Variants in ATP8B4 observed in about 807,000 individuals in gnomAD.
The protein encoded by ATP8B4 is probable phospholipid-transporting ATPase IM.
A neutral mutation model predicts 145.6 loss-of-function variants in ATP8B4; 133 were observed. That is an observed-to-expected ratio of 0.91 (90% CI 0.79 to 1.05). The LOEUF (loss-of-function observed/expected upper bound fraction) is 1.05, where lower values mean the gene tolerates loss of function less well. Among genes scored for constraint, ATP8B4 ranks in the 50% least tolerant of loss-of-function variants. ATP8B4 has a pLI of 0.00. For synonymous variants in ATP8B4, 507 were observed against 492.9 expected (o/e 1.03, Z -0.38); for missense variants, 1,458 against 1,425.2 (o/e 1.02, Z -0.37).
intron 14 of ATP8B4, among the ~76,000 whole-genome samples, chr15:49,940,315 T>C (rs879363436): frequency 1.3e-5 from 2 of 152,210 alleles, no homozygotes; most frequent in Admixed American, 6.5e-5. Context: ...AAACACTATA[T>C]GTTCTCATTT....
intron 1 of ATP8B4, among the ~76,000 whole-genome samples, chr15:50,160,223 C>A (rs953703971): frequency 1.3e-5 from 2 of 151,634 alleles, no homozygotes; most frequent in Non-Finnish European, 2.9e-5. Context: ...CTTTCCATTT[C>A]TGCAGTATTG....
chr15:50,101,941 C>A (rs987455421), intron 2 of ATP8B4, among the ~76,000 whole-genome samples: 1 of 151,968 alleles, frequency 6.6e-6, no homozygotes, highest in Admixed American at 6.6e-5. Context: ...CAAAAGGAAC[C>A]CTTAAAACCA....
At chr15:50,144,081 T>C (rs1206708285) in intron 1 of ATP8B4, among the ~76,000 whole-genome samples, 1 of 152,170 alleles carries the variant, frequency 6.6e-6, no homozygotes, top group Non-Finnish European at 1.5e-5. Context: ...CCCTTTGTTT[T>C]ACCAAAGGAA....
At chr15:50,054,924 T>C (rs573306615) in intron 3 of ATP8B4, among the ~76,000 whole-genome samples, 24 of 152,090 alleles carry the variant, frequency 1.6e-4, no homozygotes, top group Non-Finnish European at 2.5e-4. Flanking sequence ...CCAAATTCCT[T>C]AGTTTCACGA....
intron 14 of ATP8B4, among the ~76,000 whole-genome samples, chr15:49,939,243 GCTAA>G (rs1208315493): frequency 1.3e-5 from 2 of 151,560 alleles, no homozygotes; most frequent in African/African-American, 4.8e-5. Context: ...TAACACCAAA[GCTAA>G]CAAATGTCAC....
intron 1 of ATP8B4, among the ~76,000 whole-genome samples, chr15:50,127,648 A>T (rs1459035686): frequency 1.3e-5 from 2 of 152,206 alleles, no homozygotes; most frequent in Non-Finnish European, 2.9e-5. Context: ...TAGATAAATA[A>T]ACTGCTGCAG....
intron 2 of ATP8B4, among the ~76,000 whole-genome samples, chr15:50,105,764 T>C (rs1413027660): frequency 6.6e-6 from 1 of 152,200 alleles, no homozygotes; most frequent in African/African-American, 2.4e-5. Flanking sequence ...AATATATACA[T>C]ATACATATGA....
intron 6 of ATP8B4, among the ~76,000 whole-genome samples, chr15:50,022,377 T>C (rs1349873126): frequency 6.6e-6 from 1 of 152,148 alleles, no homozygotes; most frequent in East Asian, 1.9e-4. Flanking sequence ...ACTAAAAACT[T>C]GGTTGTCTCC....
chr15:50,151,696 GC>G, intron 1 of ATP8B4, among the ~76,000 whole-genome samples: 1 of 146,158 alleles, frequency 6.8e-6, no homozygotes, highest in South Asian at 2.2e-4. Flanking sequence ...GCAGCACTGA[GC>G]TGAGATTGTC....
chr15:49,986,642 C>T (rs2046623967), intron 10 of ATP8B4, among the ~76,000 whole-genome samples: 1 of 152,164 alleles, frequency 6.6e-6, no homozygotes, highest in Admixed American at 6.5e-5. Context: ...TTTGATTGCA[C>T]ATAGTCAAGA....
At chr15:49,885,281 C>A (rs369476640) in intron 23 of ATP8B4, among the ~76,000 whole-genome samples, 7 of 152,334 alleles carry the variant, frequency 4.6e-5, no homozygotes, top group Admixed American at 6.5e-5. Flanking sequence ...CCAAGGTATT[C>A]ATATGGAAGT....
chr15:49,870,214 C>A (rs992811835), intron 25 of ATP8B4, among the ~76,000 whole-genome samples: 20 of 151,938 alleles, frequency 1.3e-4, no homozygotes, highest in African/African-American at 4.4e-4. Flanking sequence ...GAAAGCTGAC[C>A]AGAATATCTA....
At chr15:50,021,606 G>C (rs2414002) in intron 6 of ATP8B4, among the ~76,000 whole-genome samples, 103,906 of 152,132 alleles carry the variant, frequency 0.68, 37,727 homozygotes, top group East Asian at 0.99. Flanking sequence ...TCTGGTCACC[G>C]TCTTTAAAAT....
intron 7 of ATP8B4, among the ~76,000 whole-genome samples, chr15:50,008,578 T>C (rs1250596522): frequency 6.6e-6 from 1 of 152,198 alleles, no homozygotes; most frequent in Non-Finnish European, 1.5e-5. Context: ...GCTTTTGCAA[T>C]AGCAAGTAAG....
In ATP8B4 at chr15:49,917,027, T is replaced by C. The variant is rs770767838; in HGVS notation, c.2048A>G (p.Asn683Ser). Residue 683 changes from asparagine (N) to serine (S), a missense_variant, in exon 20 of 28, where the codon AAC (asparagine) becomes AGC (serine). Physicochemically the swap from Asn to Ser is conservative, Grantham distance 46. Transcript: ENST00000284509. Reference sequence around the variant, plus strand: ...CAGCATGTTGCAGGCATAACCGATGTTGATGGCAGTTTCTAACACAAAATA... The same window carrying C: ...CAGCATGTTGCAGGCATAACCGATGCTGATGGCAGTTTCTAACACAAAATA... ...LTGDKQETAINIGYACNMLTD... is the reference protein window; with the variant it reads ...LTGDKQETAISIGYACNMLTD... 8 of 1,613,966 alleles carry C rather than the reference T, an allele frequency of 5.0e-6. No homozygotes were observed. Among genetic ancestry groups the C allele is most frequent in the Admixed American group, 1.7e-5 (1 of 60,012 alleles).
intron 7 of ATP8B4, among the ~76,000 whole-genome samples, chr15:50,004,604 C>T (rs1250563119): frequency 6.6e-6 from 1 of 152,140 alleles, no homozygotes; most frequent in Non-Finnish European, 1.5e-5. Context: ...ACTATGTGTC[C>T]AGCACCATCC....
In ATP8B4 at chr15:49,934,083, T is replaced by C. The variant is rs943141553; in HGVS notation, c.1387A>G (p.Lys463Glu). The C allele has an allele frequency of 6.2e-7, 1 of 1,612,886 alleles. No individual in the cohort carries two copies. Among genetic ancestry groups the C allele is most frequent in the Admixed American group, 1.7e-5 (1 of 59,884 alleles). ...LMESIKMGDP[K>E]VHEFLRLLAL... Reference sequence around the variant, plus strand: ...AGTAACCTAAGGAATTCATGAACTTTGGGATCACCCATTTTAATGGATTCC... The same window carrying C: ...AGTAACCTAAGGAATTCATGAACTTCGGGATCACCCATTTTAATGGATTCC... Residue 463 changes from lysine to glutamate, a missense_variant, in exon 15 of 28, where the codon AAA (lysine) becomes GAA (glutamate). Coordinates refer to ENST00000284509, the MANE Select transcript of ATP8B4 (RefSeq NM_024837.4).
intron 6 of ATP8B4, among the ~76,000 whole-genome samples, chr15:50,026,844 C>T (rs2050043282): frequency 6.6e-6 from 1 of 152,120 alleles, no homozygotes; most frequent in African/African-American, 2.4e-5. Context: ...GAGTAGCCTG[C>T]ATATGAAGAT....
intron 23 of ATP8B4, chr15:49,895,298 AG>A (rs1160213674): frequency 2.4e-4 from 36 of 152,356 alleles, no homozygotes; most frequent in African/African-American, 8.7e-4. Context: ...TTTCTAGCCC[AG>A]TGGTTCTCAA....
Sources: allele counts gnomAD v4.1 joint callset (sites outside exome capture counted in the v4.1 genomes callset), GRCh38; gene constraint gnomAD v4.1.1; transcripts MANE v1.5; gene names NCBI Gene and HGNC (gene_info 2026-07-23, HGNC 2026-07-21).